The following RAB3GAP1 variants were observed in gnomAD, a reference collection of about 807,000 sequenced individuals.
The protein encoded by RAB3GAP1 is RAB3 GTPase activating protein catalytic subunit 1.
RAB3GAP1 carries 86 observed loss-of-function variants against 130.7 expected under a neutral mutation model. The ratio of observed to expected loss-of-function variants is 0.66; its 90% CI spans 0.55 to 0.79. The LOEUF (loss-of-function observed/expected upper bound fraction) is 0.79, where lower values mean the gene tolerates loss of function less well. RAB3GAP1 is among the 30% of genes least tolerant of loss of function. The pLI is 0.00. For synonymous variants in RAB3GAP1, 367 were observed against 401.7 expected (o/e 0.91, Z 1.03); for missense variants, 1,029 against 1,169.4 (o/e 0.88, Z 1.75).
chr2:135,167,379 C>CTT lies in RAB3GAP1; in HGVS notation c.2710-1153_2710-1152dup, dbSNP rs112223600. On this transcript the variant is annotated intron_variant, in intron 23 of 23. Transcript: ENST00000264158. Reference sequence around the variant, plus strand: ...AATTCTATTTTTCAAGCCATGAACACTTTTTTTTTTTTTTGCATCATAATT... The same window carrying CTT: ...AATTCTATTTTTCAAGCCATGAACACTTTTTTTTTTTTTTTTGCATCATAATT... 0.059 allele frequency among the ~76,000 whole-genome samples: 8,242 copies of CTT among 140,382 alleles called. 432 individuals are homozygous for CTT. Among genetic ancestry groups the CTT allele is most frequent in the African/African-American group, 0.15 (5,669 of 38,500 alleles). The allele number at this position is 140,382 out of a possible 152,430, so 92.1% of individuals were successfully genotyped here.
chr2:135,119,474 T>G (rs1376709792), intron 7 of RAB3GAP1, among the ~76,000 whole-genome samples: 1 of 152,336 alleles, frequency 6.6e-6, no homozygotes, highest in East Asian at 1.9e-4. Flanking sequence ...AGAGGTTATG[T>G]GTCAAAGTGG....
At chr2:135,137,046 C>T (rs1691695265) in intron 17 of RAB3GAP1, 1 of 245,600 alleles carries the variant, frequency 4.1e-6, no homozygotes, top group Non-Finnish European at 8.1e-6. Context: ...GCTTTGATGA[C>T]ACCACTGTAC....
chr2:135,145,405 C>T (rs555398150), intron 17 of RAB3GAP1, among the ~76,000 whole-genome samples: 5 of 150,330 alleles, frequency 3.3e-5, no homozygotes, highest in African/African-American at 1.0e-4. Flanking sequence ...CACATACACA[C>T]ACACACACAC....
At chr2:135,176,059 C>T (rs530605433) in intron 24 of RAB3GAP1, among the ~76,000 whole-genome samples, 77 of 152,146 alleles carry the variant, frequency 5.1e-4, no homozygotes, top group African/African-American at 1.6e-3. Context: ...CCCCAAAATA[C>T]GGTTTTTGGT....
At chr2:135,143,778 C>T (rs1162869317) in intron 17 of RAB3GAP1, among the ~76,000 whole-genome samples, 2 of 151,960 alleles carry the variant, frequency 1.3e-5, no homozygotes, top group African/African-American at 2.4e-5. Flanking sequence ...AGGATGGTCT[C>T]GATCTCCTGA....
rs1692273733 is a variant in RAB3GAP1 at position 135,155,100 on chromosome 2, C to T, written c.2289+1224C>T. 2.0e-5 allele frequency among the ~76,000 whole-genome samples: 3 copies of T among 151,986 alleles called. No homozygotes were observed. The South Asian group carries it at 6.2e-4, about 32-fold the overall frequency. ...TAACATTCCAAACTGAATCAGATAT[C>T]CTCAAACAGTTAAGGAGGATATGAA... On this transcript the variant is annotated intron_variant, in intron 19 of 23. Coordinates refer to ENST00000264158, the MANE Select transcript of RAB3GAP1 (RefSeq NM_012233.3).
chr2:135,093,632 A>ATGCAAGATTTGC lies in RAB3GAP1; in HGVS notation c.304_315dup (p.Gln102_Leu105dup). ...TTTTGTAGATGTTGTTCCACAATCT[A>ATGCAAGATTTGC]TGCAAGATTTGCTGGGTATGAATAA... On this transcript the variant is annotated inframe_insertion, in exon 5 of 24. Coordinates refer to ENST00000264158, the MANE Select transcript of RAB3GAP1 (RefSeq NM_012233.3). 6.2e-7 allele frequency: 1 copy of ATGCAAGATTTGC among 1,613,352 alleles called. No individual in the cohort carries two copies. The highest frequency in any genetic ancestry group is 1.1e-5 in the South Asian group (1 of 91,060).
At chr2:135,054,117 G>C (rs1411715033) in intron 2 of RAB3GAP1, among the ~76,000 whole-genome samples, 5 of 152,216 alleles carry the variant, frequency 3.3e-5, no homozygotes, top group Admixed American at 6.5e-5. Flanking sequence ...CAGGAATCCA[G>C]ATTCAGTATT....
At chr2:135,155,257 A>G (rs2104985824) in intron 19 of RAB3GAP1, among the ~76,000 whole-genome samples, 1 of 152,262 alleles carries the variant, frequency 6.6e-6, no homozygotes, top group East Asian at 1.9e-4. Flanking sequence ...ATAAAAAATG[A>G]AGACTAAATT....
At chr2:135,101,993 G>C (rs1690462771) in intron 5 of RAB3GAP1, among the ~76,000 whole-genome samples, 1 of 152,186 alleles carries the variant, frequency 6.6e-6, no homozygotes, top group Non-Finnish European at 1.5e-5. Context: ...GCAAGATAAT[G>C]AACCCTGCTA....
At chr2:135,117,768 GCTT>G (rs1368612242) in intron 7 of RAB3GAP1, among the ~76,000 whole-genome samples, 29 of 39,572 alleles carry the variant, frequency 7.3e-4, no homozygotes, top group African/African-American at 2.1e-3. Flanking sequence ...TTCTTCTGCT[GCTT>G]CTTCTGCTTC....
chr2:135,136,848 A>T lies in RAB3GAP1; in HGVS notation c.1923+916A>T, dbSNP rs540321238. On this transcript the variant is annotated intron_variant, in intron 17 of 23. Coordinates refer to ENST00000264158, the MANE Select transcript of RAB3GAP1 (RefSeq NM_012233.3). ...AATGGCTCAAGCCTGCAAGCCCCAC[A>T]CCAAGGTGGGAGTATTGCTTGAAGC... 1.3e-3 allele frequency: 507 copies of T among 404,628 alleles called. 1 individual carries two copies. Among genetic ancestry groups the T allele is most frequent in the South Asian group, 3.5e-3 (100 of 28,408 alleles). 25.1% of individuals were successfully genotyped at this position (404,628 alleles called of 1,614,324 possible).
chr2:135,153,415 T>C (rs1446051386), intron 18 of RAB3GAP1, among the ~76,000 whole-genome samples: 1 of 152,234 alleles, frequency 6.6e-6, no homozygotes, highest in Non-Finnish European at 1.5e-5. Flanking sequence ...AGTTTTTATA[T>C]CCAAATTCAT....
At chr2:135,059,886 A>C (rs1219149220) in intron 3 of RAB3GAP1, among the ~76,000 whole-genome samples, 1 of 152,224 alleles carries the variant, frequency 6.6e-6, no homozygotes, top group Non-Finnish European at 1.5e-5. Context: ...AGCTGTAACT[A>C]TGATGAATAT....
chr2:135,087,313 A>T (rs1202064236), intron 3 of RAB3GAP1, among the ~76,000 whole-genome samples: 1 of 152,210 alleles, frequency 6.6e-6, no homozygotes, highest in Non-Finnish European at 1.5e-5. Context: ...TATTGTAGCA[A>T]AGTGTTAAAA....
intron 19 of RAB3GAP1, among the ~76,000 whole-genome samples, chr2:135,156,468 C>T (rs11897217): frequency 0.31 from 47,114 of 151,962 alleles, 11,046 homozygotes; most frequent in African/African-American, 0.64. Flanking sequence ...TTTAAGAAAA[C>T]AATACATGTT....
downstream of RAB3GAP1, among the ~76,000 whole-genome samples, chr2:135,171,092 G>C (rs142692594): frequency 7.8e-4 from 119 of 151,998 alleles, no homozygotes; most frequent in African/African-American, 2.7e-3. Flanking sequence ...GGGGCAGAAA[G>C]CGTATTACAA....
intron 9 of RAB3GAP1, among the ~76,000 whole-genome samples, chr2:135,125,193 A>G (rs1691315441): frequency 6.6e-6 from 1 of 152,146 alleles, no homozygotes; most frequent in Non-Finnish European, 1.5e-5. Context: ...TATTCTGGAC[A>G]TTTCTTATAA....
intron 17 of RAB3GAP1, among the ~76,000 whole-genome samples, chr2:135,148,451 A>C (rs1456674181): frequency 1.3e-5 from 2 of 152,004 alleles, no homozygotes; most frequent in Admixed American, 6.6e-5. Flanking sequence ...GGCTAGAAGA[A>C]AATGTCCTTA....
Sources: allele counts gnomAD v4.1 joint callset (sites outside exome capture counted in the v4.1 genomes callset), GRCh38; gene constraint gnomAD v4.1.1; transcripts MANE v1.5; gene names NCBI Gene and HGNC (gene_info 2026-07-23, HGNC 2026-07-21).